Variants in SSH2 observed in about 807,000 individuals in gnomAD.
SSH2 encodes the protein protein phosphatase Slingshot homolog 2.
SSH2 carries 37 observed loss-of-function variants against 135.2 expected under a neutral mutation model. The observed-to-expected ratio is 0.27, with a 90% CI of 0.21 to 0.36. The LOEUF is 0.36. Ranked by LOEUF, SSH2 falls within the 10% of genes least tolerant of loss-of-function variation. The pLI, the probability that SSH2 is intolerant of heterozygous loss-of-function variation, is 1.00. For missense variants in SSH2, 1,408 were observed against 1,765.3 expected (o/e 0.80, Z 3.63); for synonymous variants, 628 against 646.2 (o/e 0.97, Z 0.43).
At chr17:29,744,744 A>G (rs988049430) in intron 3 of SSH2, among the ~76,000 whole-genome samples, 1 of 152,182 alleles carries the variant, frequency 6.6e-6, no homozygotes, top group Non-Finnish European at 1.5e-5. Flanking sequence ...TAAATATTAT[A>G]AGCCCTCTGT....
chr17:29,773,896 C>T (rs984887858), intron 3 of SSH2, among the ~76,000 whole-genome samples: 2 of 152,024 alleles, frequency 1.3e-5, no homozygotes, highest in African/African-American at 4.8e-5. Context: ...TCTTGAACTC[C>T]TGACCTCAGG....
At chr17:29,649,643 G>T (rs1223030217) in intron 13 of SSH2, among the ~76,000 whole-genome samples, 1 of 152,102 alleles carries the variant, frequency 6.6e-6, no homozygotes, top group African/African-American at 2.4e-5. Context: ...GTCTCAGCAA[G>T]ATCTTTGTTC....
At chr17:29,790,203 T>G (rs1023182934) in intron 3 of SSH2, among the ~76,000 whole-genome samples, 1 of 152,090 alleles carries the variant, frequency 6.6e-6, no homozygotes, top group Non-Finnish European at 1.5e-5. Flanking sequence ...AGCCCTACCC[T>G]CGAAAGTGAG....
chr17:29,827,355 A>G (rs559473797), intron 2 of SSH2, among the ~76,000 whole-genome samples: 1 of 152,326 alleles, frequency 6.6e-6, no homozygotes, highest in Admixed American at 6.5e-5. Flanking sequence ...GACAGCATAT[A>G]GTAGTGCTAG....
At chr17:29,757,902 C>A (rs2041181386) in intron 3 of SSH2, among the ~76,000 whole-genome samples, 1 of 151,492 alleles carries the variant, frequency 6.6e-6, no homozygotes, top group South Asian at 2.1e-4. Context: ...AAAAAATTAG[C>A]CAGGTGTGGT....
chr17:29,696,562 G>A (rs2038755576), intron 4 of SSH2, among the ~76,000 whole-genome samples: 1 of 142,906 alleles, frequency 7.0e-6, no homozygotes, highest in Non-Finnish European at 1.5e-5. Flanking sequence ...TTGCGCTACT[G>A]CACTCCAGCC....
At chr17:29,761,378 G>C (rs1478896625) in intron 3 of SSH2, 3 of 1,067,794 alleles carry the variant, frequency 2.8e-6, no homozygotes, top group Non-Finnish European at 3.4e-6. Flanking sequence ...CGGGCCCGCC[G>C]GGTCGCGCGG....
rs116813042 is a variant in SSH2 at position 29,784,118 on chromosome 17, G to A, written c.188+9776C>T. Among the ~76,000 whole-genome samples the A allele has an allele frequency of 3.5e-3, 528 of 149,808 alleles. 3 individuals carry two copies. Among genetic ancestry groups the A allele is most frequent in the African/African-American group, 0.013 (512 of 40,648 alleles). On this transcript the variant is annotated intron_variant, in intron 3 of 15. Coordinates refer to ENST00000540801, the MANE Select transcript of SSH2 (RefSeq NM_001282129.2). ...AGAGTAATTGGGGGCTGGACGCGGTGGCTCATGCCTGCAATCCTGGCACTT... is the reference window on the plus strand; with the variant it reads ...AGAGTAATTGGGGGCTGGACGCGGTAGCTCATGCCTGCAATCCTGGCACTT...
At chr17:29,677,875 T>G in intron 6 of SSH2, 134 bp from the exon 7 acceptor site, 1 of 642,042 alleles carries the variant, frequency 1.6e-6, no homozygotes, top group Non-Finnish European at 2.8e-6. Flanking sequence ...ATGAAGAAAT[T>G]TCTATCATAT....
intron 1 of SSH2, among the ~76,000 whole-genome samples, chr17:29,906,063 C>T (rs1178230415): frequency 6.6e-6 from 1 of 152,178 alleles, no homozygotes; most frequent in Admixed American, 6.5e-5. Flanking sequence ...CTCCTCTGAG[C>T]AGTTGTAAAC....
chr17:29,831,383 G>A (rs1336188236), intron 2 of SSH2, among the ~76,000 whole-genome samples: 1 of 152,060 alleles, frequency 6.6e-6, no homozygotes. Flanking sequence ...TATTAACTTA[G>A]GGCAAATACA....
chr17:29,765,549 C>G (rs972877737), intron 3 of SSH2, among the ~76,000 whole-genome samples: 1 of 152,152 alleles, frequency 6.6e-6, no homozygotes, highest in African/African-American at 2.4e-5. Context: ...CCTCTATGCT[C>G]TTTTCCACAA....
chr17:29,780,361 T>C (rs1250285118), intron 3 of SSH2: 1 of 152,222 alleles, frequency 6.6e-6, no homozygotes, highest in Non-Finnish European at 1.5e-5. Context: ...TAGAGCATTT[T>C]ATTGCCAAAT....
rs758391081 is a variant in SSH2 at position 29,631,119 on chromosome 17, A to C, written c.4075T>G (p.Cys1359Gly). Residue 1359 changes from cysteine to glycine, a missense_variant, in exon 16 of 16, where the codon TGT (cysteine) becomes GGT (glycine). Physicochemically the swap from Cys to Gly is radical, Grantham distance 159. This residue lies in a region of SSH2 where 1,080 missense variants were observed against 1,144.5 expected (regional missense o/e 0.94). Transcript: ENST00000540801. Reference protein sequence around the residue: ...SFVEQLTTTECIVQSKPVERP... With the variant: ...SFVEQLTTTEGIVQSKPVERP... Reference sequence around the variant, plus strand: ...TCCACTGGCTTGCTCTGCACAATACACTCTGTTGTTGTGAGTTGTTCTACA... The same window carrying C: ...TCCACTGGCTTGCTCTGCACAATACCCTCTGTTGTTGTGAGTTGTTCTACA... The C allele has an allele frequency of 5.0e-6, 8 of 1,613,574 alleles. No individual in the cohort carries two copies. The East Asian group carries it at 1.8e-4, about 36-fold the overall frequency.
rs1487729854 is a variant in SSH2, at chr17:29,631,933, T to C, written c.3261A>G (p.Leu1087=). The change falls in exon 16 of 16, where the codon CTA becomes CTG. Residue 1087 remains leucine (L), a synonymous_variant. Transcript: ENST00000540801. ...CCTGGTTGGGGTCCAGAGTCCTGTT[T>C]AGATTTTCATCCAGTGTGCAGAGCA... ...VTVLCTLDEN[L]NRTLDPNQVS... 7 of 1,614,086 alleles carry C rather than the reference T, an allele frequency of 4.3e-6. No individual in the cohort carries two copies. In the Admixed American group the frequency reaches 6.7e-5, roughly 15 times the overall value.
chr17:29,786,628 G>GAA (rs563534674), intron 3 of SSH2, among the ~76,000 whole-genome samples: 1 of 149,210 alleles, frequency 6.7e-6, no homozygotes, highest in Non-Finnish European at 1.5e-5. Context: ...TGTCTTCTGA[G>GAA]AAAAAAAAAA....
At chr17:29,719,472 A>G (rs1335230214) in intron 3 of SSH2, among the ~76,000 whole-genome samples, 1 of 150,206 alleles carries the variant, frequency 6.7e-6, no homozygotes, top group Non-Finnish European at 1.5e-5. Context: ...AGATCGTGCC[A>G]CTCCAGCCTA....
chr17:29,677,624 G>A, intron 7 of SSH2, 49 bp downstream of exon 7: 1 of 1,495,530 alleles, frequency 6.7e-7, no homozygotes, highest in Non-Finnish European at 9.3e-7. Flanking sequence ...GTAAGATGGA[G>A]CCCCACCCCT....
intron 3 of SSH2, chr17:29,777,884 T>C (rs973770098): frequency 4.0e-5 from 6 of 150,976 alleles, no homozygotes; most frequent in African/African-American, 1.5e-4. Flanking sequence ...CAGCCTGCCA[T>C]GAGTAAGGGG....
Sources: gnomAD v4.1 joint callset for allele counts (sites outside exome capture counted in the v4.1 genomes callset) on GRCh38, gnomAD v4.1.1 for gene constraint, gnomAD v4.1.1 regional missense constraint, MANE v1.5 for transcripts, NCBI Gene and HGNC (gene_info 2026-07-23, HGNC 2026-07-21) for gene names.